Variants in RBMS3 observed in about 807,000 individuals in gnomAD.
RBMS3 encodes the protein RNA binding motif single stranded interacting protein 3.
Under a neutral mutation model 66.8 loss-of-function variants are expected in RBMS3, and 27 were observed. The observed-to-expected ratio is 0.40, with a 90% confidence interval of 0.30 to 0.56. The LOEUF is 0.56. RBMS3 is among the 20% of genes least tolerant of loss of function. The pLI is 0.40. For missense variants in RBMS3, 513 were observed against 549.5 expected (o/e 0.93, Z 0.66); for synonymous variants, 188 against 183.0 (o/e 1.03, Z -0.22).
chr3:29,639,597 G>C (rs1008953350), intron 4 of RBMS3, among the ~76,000 whole-genome samples: 1 of 143,152 alleles, frequency 7.0e-6, no homozygotes, highest in Non-Finnish European at 1.6e-5. Context: ...GATAGACAGA[G>C]AGAGAGAGAG....
chr3:29,446,505 C>T (rs1168518343), intron 2 of RBMS3, among the ~76,000 whole-genome samples: 2 of 151,974 alleles, frequency 1.3e-5, no homozygotes. Flanking sequence ...ATACATAGTA[C>T]ACTGGTATAT....
intron 4 of RBMS3, among the ~76,000 whole-genome samples, chr3:29,622,847 G>A (rs9879504): frequency 0.073 from 11,123 of 152,162 alleles, 749 homozygotes; most frequent in East Asian, 0.34. Flanking sequence ...GGACAGGAGC[G>A]GTGGCTCACA....
intron 10 of RBMS3, among the ~76,000 whole-genome samples, chr3:29,912,513 T>G (rs2060541734): frequency 6.6e-6 from 1 of 152,146 alleles, no homozygotes; most frequent in Non-Finnish European, 1.5e-5. Context: ...CATAATGTAG[T>G]ATTCTAATTC....
chr3:29,504,191 C>T (rs35976064), intron 3 of RBMS3, among the ~76,000 whole-genome samples: 3,552 of 152,146 alleles, frequency 0.023, 54 homozygotes, highest in East Asian at 0.046. Flanking sequence ...TTGCCCAGGT[C>T]ACACATATGT....
intron 3 of RBMS3, among the ~76,000 whole-genome samples, chr3:29,517,486 C>A (rs1204995073): frequency 2.0e-5 from 3 of 151,948 alleles, no homozygotes; most frequent in Admixed American, 6.6e-5. Context: ...CCACGCCAGG[C>A]TAATTGTTTT....
At chr3:29,855,230 A>G (rs1301441034) in intron 6 of RBMS3, among the ~76,000 whole-genome samples, 1 of 152,160 alleles carries the variant, frequency 6.6e-6, no homozygotes, top group Non-Finnish European at 1.5e-5. Flanking sequence ...CGCTTTTACA[A>G]TGAGTAAGTG....
chr3:29,924,010 A>G (rs2060864130), intron 10 of RBMS3, among the ~76,000 whole-genome samples: 1 of 152,238 alleles, frequency 6.6e-6, no homozygotes, highest in African/African-American at 2.4e-5. Flanking sequence ...TTTATTTCAT[A>G]TAGTTGCTAT....
At chr3:29,342,481 G>A (rs1436149969) in intron 1 of RBMS3, among the ~76,000 whole-genome samples, 1 of 152,068 alleles carries the variant, frequency 6.6e-6, no homozygotes, top group African/African-American at 2.4e-5. Context: ...TTTGAATAAG[G>A]TATTGAAAGT....
intron 1 of RBMS3, among the ~76,000 whole-genome samples, chr3:29,307,262 G>T (rs1448458679): frequency 1.3e-5 from 2 of 151,944 alleles, no homozygotes; most frequent in Non-Finnish European, 2.9e-5. Context: ...TACAGAAATT[G>T]TAAGTTGAGG....
At chr3:29,670,393 A>G (rs1360390726) in intron 4 of RBMS3, among the ~76,000 whole-genome samples, 1 of 152,026 alleles carries the variant, frequency 6.6e-6, no homozygotes, top group Non-Finnish European at 1.5e-5. Flanking sequence ...GGTTCATCTC[A>G]CTGGGACTTG....
chr3:29,909,585 C>A (rs1577120136), intron 10 of RBMS3, among the ~76,000 whole-genome samples: 1 of 152,124 alleles, frequency 6.6e-6, no homozygotes, highest in East Asian at 1.9e-4. Context: ...TTTTGAAATA[C>A]AAAAAATATG....
intron 1 of RBMS3, among the ~76,000 whole-genome samples, chr3:29,396,501 ATAGTC>A (rs1322882081): frequency 1.1e-4 from 17 of 152,160 alleles, no homozygotes; most frequent in African/African-American, 3.6e-4. Context: ...TAACTGTACT[ATAGTC>A]TAATACGTGA....
At chr3:29,599,281 C>T (rs115276013) in intron 4 of RBMS3, among the ~76,000 whole-genome samples, 10,232 of 150,976 alleles carry the variant, frequency 0.068, 390 homozygotes, top group Non-Finnish European at 0.085. Flanking sequence ...AGCGTAAATG[C>T]TTGAGGGGAT....
At chr3:29,793,108 A>G (rs1266644523) in intron 6 of RBMS3, among the ~76,000 whole-genome samples, 2 of 151,900 alleles carry the variant, frequency 1.3e-5, no homozygotes. Flanking sequence ...GTGTGCACCT[A>G]TAATCCCAGT....
intron 6 of RBMS3, among the ~76,000 whole-genome samples, chr3:29,847,239 A>G (rs757112954): frequency 2.6e-5 from 4 of 152,188 alleles, no homozygotes; most frequent in Non-Finnish European, 5.9e-5. Flanking sequence ...TTCTGATCTA[A>G]GACATAATGT....
At chr3:29,846,341 G>T (rs1041649831) in intron 6 of RBMS3, among the ~76,000 whole-genome samples, 6 of 152,090 alleles carry the variant, frequency 3.9e-5, no homozygotes, top group Non-Finnish European at 5.9e-5. Flanking sequence ...TTTGAATAAG[G>T]TAGGTAAGAG....
chr3:29,995,741 C>T (rs1577349173), intron 14 of RBMS3, among the ~76,000 whole-genome samples: 1 of 152,162 alleles, frequency 6.6e-6, no homozygotes, highest in South Asian at 2.1e-4. Context: ...ACCACCAGGC[C>T]TGCCTTACAA....
intron 7 of RBMS3, among the ~76,000 whole-genome samples, chr3:29,881,947 A>G (rs1318279130): frequency 6.6e-6 from 1 of 152,280 alleles, no homozygotes; most frequent in Middle Eastern, 3.4e-3. Context: ...CAGGACTTAA[A>G]CAATTTGAGA....
At chr3:29,844,608 C>T (rs1307640481) in intron 6 of RBMS3, among the ~76,000 whole-genome samples, 1 of 152,148 alleles carries the variant, frequency 6.6e-6, no homozygotes, top group African/African-American at 2.4e-5. Context: ...AGAAATGAAT[C>T]CCATTAATGG....
Sources: gnomAD v4.1 joint callset for allele counts (sites outside exome capture counted in the v4.1 genomes callset) on GRCh38, gnomAD v4.1.1 for gene constraint, MANE v1.5 for transcripts, NCBI Gene and HGNC (gene_info 2026-07-23, HGNC 2026-07-21) for gene names.